WDR7: variants seen among roughly 807,000 people sequenced by gnomAD.
The protein encoded by WDR7 is WD repeat domain 7.
WDR7 carries 46 observed loss-of-function variants against 169.4 expected under a neutral mutation model. The observed-to-expected ratio is 0.27, with a 90% CI of 0.21 to 0.35. The LOEUF (loss-of-function observed/expected upper bound fraction) is 0.35. Ranked by LOEUF, WDR7 falls within the 10% of genes least tolerant of loss-of-function variation. The probability of loss-of-function intolerance (pLI) is 1.00; values close to 1 mark genes in which losing one functional copy is unlikely to be tolerated. For missense variants in WDR7, 1,534 were observed against 1,859.3 expected, an observed-to-expected ratio of 0.83 and a Z score of 3.22; for synonymous variants, 612 against 666.8, an observed-to-expected ratio of 0.92 and a Z score of 1.27.
intron 10 of WDR7, 54 bp from the exon 11 acceptor site, chr18:56,694,895 AT>A (rs1021195889): frequency 1.3e-5 from 20 of 1,557,106 alleles, no homozygotes; most frequent in Middle Eastern, 1.7e-4. Context: ...AATGTTTTAA[AT>A]TTTTTTTAAC....
At chr18:56,750,990 G>C (rs764928149) in intron 14 of WDR7, among the ~76,000 whole-genome samples, 7 of 151,984 alleles carry the variant, frequency 4.6e-5, no homozygotes, top group Non-Finnish European at 8.8e-5. Context: ...GGACTTGGAG[G>C]TTACTCATTT....
At chr18:56,925,966 G>A (rs1412839204) in intron 22 of WDR7, among the ~76,000 whole-genome samples, 1 of 152,132 alleles carries the variant, frequency 6.6e-6, no homozygotes, top group Non-Finnish European at 1.5e-5. Context: ...GCTTATATTT[G>A]CAAATTGCTT....
At chr18:56,801,027 G>T (rs368643434) in intron 19 of WDR7, among the ~76,000 whole-genome samples, 5 of 152,208 alleles carry the variant, frequency 3.3e-5, no homozygotes, top group African/African-American at 1.2e-4. Context: ...AATTATGTCT[G>T]TATTTGTGTG....
At chr18:57,030,384 G>A (rs1171189375), downstream of WDR7, 1 of 152,188 alleles carries the variant, frequency 6.6e-6, no homozygotes, top group Non-Finnish European at 1.5e-5. Context: ...GAACATTCCA[G>A]GAGTGGTCTG....
chr18:56,841,011 T>TG (rs2045476940), intron 20 of WDR7, among the ~76,000 whole-genome samples: 1 of 151,744 alleles, frequency 6.6e-6, no homozygotes, highest in African/African-American at 2.4e-5. Context: ...GCCAACATGG[T>TG]AAAATCCCAT....
intron 25 of WDR7, among the ~76,000 whole-genome samples, chr18:56,944,904 AT>A (rs1489515354): frequency 2.0e-5 from 3 of 152,244 alleles, no homozygotes; most frequent in Non-Finnish European, 4.4e-5. Flanking sequence ...TTTTTGGAGA[AT>A]TAGATAGTGA....
At chr18:56,803,376 G>A (rs1007700460) in intron 19 of WDR7, among the ~76,000 whole-genome samples, 21 of 152,184 alleles carry the variant, frequency 1.4e-4, no homozygotes, top group African/African-American at 4.3e-4. Context: ...AGTCAAAAGC[G>A]TTCCTATTTG....
At chr18:56,787,893 G>A (rs138221598) in intron 19 of WDR7, among the ~76,000 whole-genome samples, 12 of 152,254 alleles carry the variant, frequency 7.9e-5, no homozygotes, top group Non-Finnish European at 1.5e-4. Context: ...TTGGTAGGCC[G>A]ATATTTTTAG....
intron 20 of WDR7, among the ~76,000 whole-genome samples, chr18:56,843,849 TTTTC>T (rs1360999107): frequency 5.7e-4 from 84 of 146,984 alleles, no homozygotes; most frequent in African/African-American, 2.1e-3. Context: ...ATATTTTCTT[TTTTC>T]TTTCTTTTTT....
intron 19 of WDR7, among the ~76,000 whole-genome samples, chr18:56,805,588 C>T (rs898694862): frequency 2.0e-5 from 3 of 152,040 alleles, no homozygotes; most frequent in Non-Finnish European, 4.4e-5. Flanking sequence ...TTAACAACTG[C>T]TTCTGGCTCT....
intron 14 of WDR7, among the ~76,000 whole-genome samples, chr18:56,754,334 C>T (rs960465408): frequency 1.4e-4 from 16 of 116,978 alleles, no homozygotes; most frequent in African/African-American, 2.5e-4. Context: ...TGTATATATA[C>T]GTATATATGT....
intron 26 of WDR7, among the ~76,000 whole-genome samples, chr18:57,007,574 TATC>T (rs933214413): frequency 2.0e-5 from 3 of 152,192 alleles, no homozygotes; most frequent in Admixed American, 6.5e-5. Context: ...GATAAAGGGT[TATC>T]ATTTAAAAGT....
chr18:56,671,144 A>G (rs2025124724), intron 1 of WDR7, among the ~76,000 whole-genome samples: 1 of 152,010 alleles, frequency 6.6e-6, no homozygotes, highest in Admixed American at 6.6e-5. Context: ...CAGAAGCTAC[A>G]TTTTTTTCTT....
intron 2 of WDR7, among the ~76,000 whole-genome samples, chr18:56,673,186 C>CAT (rs397802692): frequency 2.6e-5 from 4 of 151,522 alleles, no homozygotes; most frequent in Non-Finnish European, 5.9e-5. Context: ...CACACACACA[C>CAT]GTTCACACTG....
At chr18:56,861,864 A>G (rs989564797) in intron 20 of WDR7, among the ~76,000 whole-genome samples, 3 of 152,146 alleles carry the variant, frequency 2.0e-5, no homozygotes, top group Non-Finnish European at 4.4e-5. Context: ...AATAGCCTCG[A>G]GTGTAATGTA....
At chr18:56,884,693 G>T (rs1344373097) in intron 21 of WDR7, among the ~76,000 whole-genome samples, 1 of 152,056 alleles carries the variant, frequency 6.6e-6, no homozygotes, top group Non-Finnish European at 1.5e-5. Flanking sequence ...CCAACCTGAT[G>T]GTCTTTCTCT....
intron 19 of WDR7, among the ~76,000 whole-genome samples, chr18:56,798,759 T>C (rs2044624743): frequency 6.6e-6 from 1 of 152,216 alleles, no homozygotes; most frequent in African/African-American, 2.4e-5. Context: ...ATGGATTATA[T>C]AATTTGTATT....
At chr18:56,907,695 AG>A (rs2046498378) in intron 21 of WDR7, among the ~76,000 whole-genome samples, 1 of 152,174 alleles carries the variant, frequency 6.6e-6, no homozygotes, top group African/African-American at 2.4e-5. Flanking sequence ...AGGAAGTCCA[AG>A]GTAAAGACTC....
intron 14 of WDR7, among the ~76,000 whole-genome samples, chr18:56,742,030 C>T (rs2043628465): frequency 6.6e-6 from 1 of 152,152 alleles, no homozygotes; most frequent in African/African-American, 2.4e-5. Flanking sequence ...ATTCAGAGTT[C>T]ATACTAAATA....
Sources: allele counts gnomAD v4.1 joint callset (sites outside exome capture counted in the v4.1 genomes callset), GRCh38; gene constraint gnomAD v4.1.1; transcripts MANE v1.5; gene names NCBI Gene and HGNC (gene_info 2026-07-23, HGNC 2026-07-21).